JCAD: variants seen among roughly 807,000 people sequenced by gnomAD.
The protein encoded by JCAD is junctional cadherin 5 associated, also known as junctional cadherin 5-associated protein.
JCAD carries 40 observed loss-of-function variants against 98.0 expected under a neutral mutation model. The observed-to-expected ratio is 0.41, with a 90% CI of 0.32 to 0.53. JCAD has a LOEUF of 0.53. Ranked by LOEUF, JCAD falls within the 20% of genes least tolerant of loss-of-function variation. The pLI is 0.31. For missense variants in JCAD, 1,705 were observed against 1,738.1 expected (o/e 0.98, Z 0.34); for synonymous variants, 691 against 682.3 (o/e 1.01, Z -0.20).
intron 1 of JCAD, among the ~76,000 whole-genome samples, chr10:30,092,991 C>G (rs914235997): frequency 2.0e-5 from 3 of 152,064 alleles, no homozygotes; most frequent in African/African-American, 7.2e-5. Context: ...GCAGAATGCT[C>G]TAAGTAGGCC....
At chr10:30,052,480 T>C (rs1312157331) in intron 1 of JCAD, among the ~76,000 whole-genome samples, 1 of 152,158 alleles carries the variant, frequency 6.6e-6, no homozygotes, top group Admixed American at 6.5e-5. Context: ...AGAACAGGGC[T>C]AAATAGGTCA....
At chr10:30,052,611 C>T (rs1264896261) in intron 1 of JCAD, among the ~76,000 whole-genome samples, 2 of 152,142 alleles carry the variant, frequency 1.3e-5, no homozygotes, top group African/African-American at 2.4e-5. Context: ...AGGCCAGGAG[C>T]GAAACATCCA....
At chr10:30,034,606 C>A (rs1238107152) in intron 2 of JCAD, among the ~76,000 whole-genome samples, 1 of 152,102 alleles carries the variant, frequency 6.6e-6, no homozygotes, top group Non-Finnish European at 1.5e-5. Flanking sequence ...CTCTGCATAG[C>A]CCCTTTCCTC....
At chr10:30,054,541 C>T (rs931275588) in intron 1 of JCAD, among the ~76,000 whole-genome samples, 1 of 151,706 alleles carries the variant, frequency 6.6e-6, no homozygotes, top group African/African-American at 2.4e-5. Context: ...ATTGTTTCAT[C>T]ACCAATCATC....
chr10:30,068,313 C>A (rs1453626958), intron 2 of JCAD, among the ~76,000 whole-genome samples: 2 of 148,770 alleles, frequency 1.3e-5, no homozygotes, highest in Admixed American at 1.3e-4. Context: ...ATCTCTTGAA[C>A]CCAGGAAGTG....
chr10:30,071,406 G>A (rs1837887582), intron 1 of JCAD, among the ~76,000 whole-genome samples: 1 of 152,130 alleles, frequency 6.6e-6, no homozygotes, highest in African/African-American at 2.4e-5. Context: ...GGACTGTGAG[G>A]ACAAAAATCT....
chr10:30,103,636 A>C (rs1338397491), intron 1 of JCAD, among the ~76,000 whole-genome samples: 1 of 151,876 alleles, frequency 6.6e-6, no homozygotes, highest in African/African-American at 2.4e-5. Context: ...ACACACCCAC[A>C]CACACTCACA....
rs1018826394 is a variant in JCAD, at chr10:30,101,245, A to G, written n.128+14122T>C. Among the ~76,000 whole-genome samples the G allele has an allele frequency of 5.9e-5, 9 of 152,246 alleles. No homozygotes were observed. The East Asian group carries it at 9.7e-4, about 16-fold the overall frequency. ...AATATGGCAAAACCCTGTCTCTACT[A>G]AAAATACAAAAAATATAGCTGGGCG... is the stretch of plus-strand genomic sequence containing the variant. On this transcript the variant is annotated intron_variant and non_coding_transcript_variant, in intron 1 of 2. Transcript: ENST00000465712.
At chr10:30,073,485 A>G (rs1165445446) in intron 1 of JCAD, among the ~76,000 whole-genome samples, 1 of 152,186 alleles carries the variant, frequency 6.6e-6, no homozygotes, top group Non-Finnish European at 1.5e-5. Flanking sequence ...ATTTCTGGGG[A>G]CTAAATACAA....
intron 1 of JCAD, among the ~76,000 whole-genome samples, chr10:30,071,794 A>C (rs1837895957): frequency 6.6e-6 from 1 of 152,122 alleles, no homozygotes; most frequent in South Asian, 2.1e-4. Context: ...AAATAAATAA[A>C]AGTTAAAAGA....
chr10:30,026,566 G>C lies in JCAD; in HGVS notation c.3582C>G (p.Ser1194Arg). Reference sequence around the variant, plus strand: ...GTTCGAAGAACTTGGACTCCAAGGGGCTGGGCTCAGGCTCAGGGACAGGGT... The same window carrying C: ...GTTCGAAGAACTTGGACTCCAAGGGCCTGGGCTCAGGCTCAGGGACAGGGT... ...STDPVPEPEP[S>R]PLESKFFEQK... Residue 1194 changes from serine to arginine, a missense_variant, in exon 3 of 4, where the codon AGC becomes AGG. Ser to Arg is a moderately radical substitution (Grantham distance 110). Coordinates refer to ENST00000375377, the MANE Select transcript of JCAD (RefSeq NM_020848.4). 1 of 1,614,180 alleles carries C rather than the reference G, an allele frequency of 6.2e-7. No homozygotes were observed. The highest frequency in any genetic ancestry group is 8.5e-7 in the Non-Finnish European group (1 of 1,180,034).
intron 2 of JCAD, among the ~76,000 whole-genome samples, chr10:30,039,176 A>C (rs1837187978): frequency 6.6e-6 from 1 of 152,162 alleles, no homozygotes; most frequent in Non-Finnish European, 1.5e-5. Context: ...CTCCCATGCT[A>C]GGATCCCACT....
At chr10:30,083,125 C>T (rs75126383) in intron 1 of JCAD, among the ~76,000 whole-genome samples, 5,172 of 152,096 alleles carry the variant, frequency 0.034, 306 homozygotes, top group African/African-American at 0.12. Context: ...TTTCCAAATA[C>T]GCATAGTTTT....
intron 1 of JCAD, among the ~76,000 whole-genome samples, chr10:30,104,772 A>C (rs1564473885): frequency 6.9e-6 from 1 of 145,036 alleles, no homozygotes; most frequent in African/African-American, 2.6e-5. Context: ...GCTTGTCAAA[A>C]GTTTTTTGTT....
rs1191104510 is a variant in JCAD at position 30,108,771 on chromosome 10, T to C, written n.128+6596A>G. Among the ~76,000 whole-genome samples, 6 of 151,912 alleles carry C rather than the reference T, an allele frequency of 3.9e-5. No homozygotes were observed. In the East Asian group the frequency reaches 1.2e-3, roughly 30 times the overall value. ...GCCTAGCTAACAAATGCCTTCTTCGTAAACTTACATTTCAGCCTACACACC... is the reference window on the plus strand; with the variant it reads ...GCCTAGCTAACAAATGCCTTCTTCGCAAACTTACATTTCAGCCTACACACC... On this transcript the variant is annotated intron_variant and non_coding_transcript_variant, in intron 1 of 2. Transcript: ENST00000465712.
At chr10:30,032,092 T>A (rs1837014527) in intron 2 of JCAD, among the ~76,000 whole-genome samples, 2 of 151,804 alleles carry the variant, frequency 1.3e-5, no homozygotes, top group South Asian at 2.1e-4. Flanking sequence ...AGGATTCTTA[T>A]CCTCAATTTT....
chr10:30,022,707 C>A (rs977391764), intron 3 of JCAD, among the ~76,000 whole-genome samples: 1 of 152,172 alleles, frequency 6.6e-6, no homozygotes, highest in Non-Finnish European at 1.5e-5. Flanking sequence ...TGGTCATGCG[C>A]CACAGAACAA....
At chr10:30,080,795 A>G (rs187314604) in intron 1 of JCAD, among the ~76,000 whole-genome samples, 2,579 of 152,098 alleles carry the variant, frequency 0.017, 74 homozygotes, top group African/African-American at 0.059. Context: ...TGTTCAACTG[A>G]AGTCCGGGAG....
chr10:30,101,370 C>A (rs1044442506), intron 1 of JCAD, among the ~76,000 whole-genome samples: 1 of 152,174 alleles, frequency 6.6e-6, no homozygotes, highest in African/African-American at 2.4e-5. Flanking sequence ...GATCACACCA[C>A]TGCACTCCAG....
Sources: allele counts gnomAD v4.1 joint callset (sites outside exome capture counted in the v4.1 genomes callset), GRCh38; gene constraint gnomAD v4.1.1; transcripts MANE v1.5; gene names NCBI Gene and HGNC (gene_info 2026-07-23, HGNC 2026-07-21).